PTPN14: variants seen among roughly 807,000 people sequenced by gnomAD.
The protein encoded by PTPN14 is protein tyrosine phosphatase non-receptor type 14.
PTPN14 carries 53 observed loss-of-function variants against 126.8 expected under a neutral mutation model. That is an observed-to-expected ratio of 0.42 (90% CI 0.34 to 0.53). The LOEUF is 0.53. Among genes scored for constraint, PTPN14 ranks in the 20% least tolerant of loss-of-function variants. The probability of loss-of-function intolerance (pLI) is 0.08; values close to 1 mark genes in which losing one functional copy is unlikely to be tolerated. For synonymous variants in PTPN14, 630 were observed against 599.3 expected (o/e 1.05, Z -0.75); for missense variants, 1,257 against 1,552.9 (o/e 0.81, Z 3.20).
intron 13 of PTPN14, among the ~76,000 whole-genome samples, chr1:214,381,614 G>C (rs1005177803): frequency 6.6e-6 from 1 of 152,216 alleles, no homozygotes; most frequent in Non-Finnish European, 1.5e-5. Context: ...GGTTGCTACA[G>C]ATTCAATTTC....
chr1:214,379,586 A>T (rs1056273785), intron 13 of PTPN14, among the ~76,000 whole-genome samples: 1 of 152,232 alleles, frequency 6.6e-6, no homozygotes, highest in African/African-American at 2.4e-5. Context: ...GCTAAAAGGA[A>T]AAGTCAAGCT....
intron 1 of PTPN14, among the ~76,000 whole-genome samples, chr1:214,480,559 G>C (rs1660962440): frequency 6.6e-6 from 1 of 152,172 alleles, no homozygotes; most frequent in African/African-American, 2.4e-5. Flanking sequence ...ACAAATAGGT[G>C]AACTGTGAAT....
At chr1:214,452,383 A>T (rs1240945742) in intron 2 of PTPN14, among the ~76,000 whole-genome samples, 2 of 152,222 alleles carry the variant, frequency 1.3e-5, no homozygotes, top group East Asian at 3.9e-4. Context: ...GCTGCAATGT[A>T]ACTTATTACT....
In PTPN14 at chr1:214,402,417, G is replaced by C. The variant is rs562985127; in HGVS notation, c.581+466C>G. The stretch of plus-strand genomic sequence containing the variant: ...ATCGCACCACTGCACTCCAGCCTGG[G>C]TGACAGAGCGAGACTCTGTCAAAAA... On this transcript the variant is annotated intron_variant, in intron 6 of 18. Coordinates refer to ENST00000366956, the MANE Select transcript of PTPN14 (RefSeq NM_005401.5). 8.9e-5 allele frequency among the ~76,000 whole-genome samples: 10 copies of C among 111,758 alleles called. No homozygotes were observed. In the South Asian group the frequency reaches 2.5e-3, roughly 28 times the overall value. The allele number at this position is 111,758 out of a possible 152,430, so 73.3% of individuals were successfully genotyped here. A position where few individuals can be genotyped will look rare whatever the true frequency, so the allele number is the denominator to read the frequency against.
At position 214,394,979 on chromosome 1, in the gene PTPN14, C is replaced by T. The variant is rs1351074708; in HGVS notation, c.766G>A (p.Asp256Asn). The T allele has an allele frequency of 1.9e-6, 3 of 1,611,572 alleles. No homozygotes were observed. Among genetic ancestry groups the T allele is most frequent in the African/African-American group, 2.7e-5 (2 of 74,838 alleles). ...GRQAVIYRWN[D>N]MGNITHNKST... is the part of the protein sequence containing the mutation. ...TTGTTATGAGTGATATTCCCCATGT[C>T]ATTCCACCTGGTTAGAAGAAATGTC... The change falls in exon 9 of 19, where the codon GAC (aspartate) becomes AAC (asparagine). Residue 256 changes from aspartate to asparagine, a missense_variant. Asp to Asn is a conservative substitution (Grantham distance 23). This residue lies in a region of PTPN14 where 1,021 missense variants were observed against 1,183.3 expected (regional missense o/e 0.86). Coordinates refer to ENST00000366956, the MANE Select transcript of PTPN14 (RefSeq NM_005401.5).
chr1:214,509,492 A>T (rs539016706), intron 1 of PTPN14, among the ~76,000 whole-genome samples: 15 of 152,224 alleles, frequency 9.9e-5, no homozygotes, highest in Non-Finnish European at 1.9e-4. Flanking sequence ...TGGTTGGTTC[A>T]ATCTATCCAG....
intron 15 of PTPN14, among the ~76,000 whole-genome samples, chr1:214,374,581 T>G (rs11809434): frequency 2.6e-5 from 4 of 152,168 alleles, no homozygotes; most frequent in Non-Finnish European, 5.9e-5. Flanking sequence ...CTGGAGCAAA[T>G]AAATCTCTGT....
At chr1:214,449,127 C>T (rs1010986594) in intron 3 of PTPN14, among the ~76,000 whole-genome samples, 1 of 147,820 alleles carries the variant, frequency 6.8e-6, no homozygotes, top group African/African-American at 2.5e-5. Context: ...CTGCCTCAGC[C>T]TCCCGAGTAG....
intron 4 of PTPN14, among the ~76,000 whole-genome samples, chr1:214,414,126 A>T (rs1270772135): frequency 6.6e-6 from 1 of 152,242 alleles, no homozygotes; most frequent in Non-Finnish European, 1.5e-5. Context: ...CCTTTATAGG[A>T]TGGATTGAAA....
At chr1:214,385,339 C>G (rs970948426) in intron 12 of PTPN14, among the ~76,000 whole-genome samples, 7 of 152,104 alleles carry the variant, frequency 4.6e-5, no homozygotes, top group African/African-American at 1.7e-4. Flanking sequence ...TCCTGAGCAG[C>G]AATAAAGGGC....
At chr1:214,467,177 C>A (rs937845743) in intron 1 of PTPN14, among the ~76,000 whole-genome samples, 5 of 151,584 alleles carry the variant, frequency 3.3e-5, no homozygotes, top group Non-Finnish European at 7.4e-5. Context: ...GACCCACCCA[C>A]CCCCAACCCA....
In PTPN14 at chr1:214,355,109, ACTC is replaced by A; in HGVS notation, c.*2810_*2812del. 3 of 152,336 alleles carry A rather than the reference ACTC, an allele frequency of 2.0e-5. No homozygotes were observed. Among genetic ancestry groups the A allele is most frequent in the Admixed American group, 2.0e-4 (3 of 15,302 alleles). The allele number at this position is 152,336 out of a possible 1,614,324, so 9.4% of individuals were successfully genotyped here. A position where few individuals can be genotyped will look rare whatever the true frequency, so the allele number is the denominator to read the frequency against. ...TTTTAAAAGTGAAATATGTGGAACA[ACTC>A]TTAAATGTTTTCTTTTGGGTTTCAA... On this transcript the variant is annotated 3_prime_UTR_variant, in exon 19 of 19. Coordinates refer to ENST00000366956, the MANE Select transcript of PTPN14 (RefSeq NM_005401.5).
In PTPN14 at chr1:214,551,227, G is replaced by A. The variant is rs1288587165; in HGVS notation, c.-199C>T. 1 of 152,442 alleles carries A rather than the reference G, an allele frequency of 6.6e-6. No individual in the cohort carries two copies. The highest frequency in any genetic ancestry group is 1.5e-5 in the Non-Finnish European group (1 of 68,192). The allele number at this position is 152,442 out of a possible 1,614,324, so 9.4% of individuals were successfully genotyped here. A position where few individuals can be genotyped will look rare whatever the true frequency, so the allele number is the denominator to read the frequency against. Reference sequence around the variant, plus strand: ...GGCGCCCCGGAGTCCCGCGCGGAAAGGCTGTCCTTCGCGGCGGCGGAGCCG... The same window carrying A: ...GGCGCCCCGGAGTCCCGCGCGGAAAAGCTGTCCTTCGCGGCGGCGGAGCCG... On this transcript the variant is annotated 5_prime_UTR_variant, in exon 1 of 19. Transcript: ENST00000366956.
rs761330469 is a variant in PTPN14 at position 214,386,922 on chromosome 1, G to A, written c.988C>T (p.Pro330Ser). ...RQPTWSRSSL[P>S]RQQPYILPPV... ...GGCAGGATGTACGGCTGCTGCCTGG[G>A]CTGAAACAGAGAACACAGAGGAGGT... The change falls in exon 12 of 19, where the codon CCC (proline) becomes TCC (serine). Residue 330 changes from proline to serine, a missense_variant and splice_region_variant. Around this residue, in one of 3 missense-constraint regions of PTPN14, gnomAD observed 1,021 missense variants for 1,183.3 expected, o/e 0.86. Transcript: ENST00000366956. The A allele has an allele frequency of 3.8e-6, 6 of 1,598,482 alleles. No homozygotes were observed. Among genetic ancestry groups the A allele is most frequent in the Non-Finnish European group, 5.1e-6 (6 of 1,166,878 alleles).
chr1:214,396,801 G>A lies in PTPN14; in HGVS notation c.758+1112C>T, dbSNP rs144965482. Among the ~76,000 whole-genome samples the A allele has an allele frequency of 2.3e-3, 343 of 152,318 alleles. 1 individual carries two copies. Among genetic ancestry groups the A allele is most frequent in the African/African-American group, 8.1e-3 (337 of 41,578 alleles). On this transcript the variant is annotated intron_variant, in intron 8 of 18. Coordinates refer to ENST00000366956, the MANE Select transcript of PTPN14 (RefSeq NM_005401.5). The stretch of plus-strand genomic sequence containing the variant: ...TGTGCTGTAGGTTCAAACAGAAACT[G>A]AAACATTGATTTAACTATGAAGAAC...
At chr1:214,395,668 T>A (rs1658862014) in intron 8 of PTPN14, among the ~76,000 whole-genome samples, 1 of 150,178 alleles carries the variant, frequency 6.7e-6, no homozygotes, top group African/African-American at 2.5e-5. Context: ...GGAGACCTTA[T>A]CTAAAAGGAG....
intron 2 of PTPN14, among the ~76,000 whole-genome samples, 200 bp from the exon 3 acceptor site, chr1:214,452,174 A>G (rs769471984): frequency 6.6e-6 from 1 of 152,250 alleles, no homozygotes; most frequent in Non-Finnish European, 1.5e-5. Flanking sequence ...GAGTATCCAG[A>G]TGCAGTATCC....
intron 12 of PTPN14, among the ~76,000 whole-genome samples, chr1:214,385,530 T>C (rs1230046202): frequency 1.3e-5 from 2 of 151,796 alleles, no homozygotes; most frequent in Non-Finnish European, 1.5e-5. Flanking sequence ...CCCAACCTGA[T>C]TGATTTCTAC....
At chr1:214,369,418 AAGTC>A (rs1357537312) in intron 17 of PTPN14, 35 bp downstream of exon 17, 2 of 1,566,230 alleles carry the variant, frequency 1.3e-6, no homozygotes, top group South Asian at 2.2e-5. Context: ...CAGATCATAA[AAGTC>A]AGTCAGGTAG....
Sources: gnomAD v4.1 joint callset for allele counts (sites outside exome capture counted in the v4.1 genomes callset) on GRCh38, gnomAD v4.1.1 for gene constraint, gnomAD v4.1.1 regional missense constraint, MANE v1.5 for transcripts, NCBI Gene and HGNC (gene_info 2026-07-23, HGNC 2026-07-21) for gene names.